PCDH11X: variants seen among roughly 807,000 people sequenced by gnomAD.
The protein encoded by PCDH11X is protocadherin 11 X-linked, also known as protocadherin-11 X-linked.
PCDH11X carries 18 observed loss-of-function variants against 53.3 expected under a neutral mutation model. That is an observed-to-expected ratio of 0.34 (90% confidence interval 0.23 to 0.50). The LOEUF (loss-of-function observed/expected upper bound fraction) is 0.50, where lower values mean the gene tolerates loss of function less well. Among genes scored for constraint, PCDH11X ranks in the 20% least tolerant of loss-of-function variants. PCDH11X has a pLI of 0.98. For synonymous variants in PCDH11X, 279 were observed against 393.3 expected (o/e 0.71, Z 3.44); for missense variants, 570 against 1,032.4 (o/e 0.55, Z 6.14).
chrX:92,269,081 A>G (rs1402795195), intron 8 of PCDH11X, among the ~76,000 whole-genome samples: 1 of 111,892 alleles, frequency 8.9e-6, no homozygotes. Context: ...TTTTAAGTTC[A>G]CCAGTTTATT....
At chrX:91,857,180 G>A (rs1602371742) in intron 5 of PCDH11X, among the ~76,000 whole-genome samples, 1 of 111,455 alleles carries the variant, frequency 9.0e-6, no homozygotes, top group Non-Finnish European at 1.9e-5. Context: ...GCTGGCAAGA[G>A]AGAGCGTGTG....
At chrX:92,502,833 T>A (rs1367715745) in intron 10 of PCDH11X, among the ~76,000 whole-genome samples, 1 of 111,182 alleles carries the variant, frequency 9.0e-6, no homozygotes, top group Admixed American at 9.6e-5. Context: ...TCAAAAGCAA[T>A]TGCAACAAAA....
chrX:91,795,842 C>T (rs762691843), intron 1 of PCDH11X, among the ~76,000 whole-genome samples: 1 of 111,372 alleles, frequency 9.0e-6, no homozygotes, highest in Non-Finnish European at 1.9e-5. Flanking sequence ...CTTAAGACCC[C>T]AAAATACATT....
At chrX:92,500,297 C>G (rs868453437) in intron 10 of PCDH11X, among the ~76,000 whole-genome samples, 1 of 111,512 alleles carries the variant, frequency 9.0e-6, no homozygotes, top group South Asian at 3.7e-4. Context: ...AAATATGACA[C>G]GAAACTATAA....
At chrX:91,977,901 G>A (rs2062067604) in intron 6 of PCDH11X, among the ~76,000 whole-genome samples, 1 of 111,376 alleles carries the variant, frequency 9.0e-6, no homozygotes, top group South Asian at 3.8e-4. Context: ...ACCTTCCTTA[G>A]ACAGTTGTAA....
At chrX:92,274,080 T>G in intron 8 of PCDH11X, among the ~76,000 whole-genome samples, 1 of 105,847 alleles carries the variant, frequency 9.4e-6, no homozygotes, top group East Asian at 3.1e-4. Flanking sequence ...GATGACAAGT[T>G]TTTTTGGGGC....
At chrX:92,446,217 G>A (rs190766612) in intron 9 of PCDH11X, among the ~76,000 whole-genome samples, 266 of 109,194 alleles carry the variant, frequency 2.4e-3, no homozygotes, top group Non-Finnish European at 3.7e-3. Flanking sequence ...TCTATATCAT[G>A]TGCAGCCTCT....
At chrX:92,442,200 C>T (rs940997951) in intron 9 of PCDH11X, among the ~76,000 whole-genome samples, 41 of 110,322 alleles carry the variant, frequency 3.7e-4, no homozygotes, top group African/African-American at 1.3e-3. Flanking sequence ...AAGGGACTTG[C>T]GTTTTCATGG....
chrX:92,119,023 G>A (rs753515893), intron 6 of PCDH11X, among the ~76,000 whole-genome samples: 1 of 110,357 alleles, frequency 9.1e-6, no homozygotes, highest in East Asian at 2.8e-4. Context: ...TTACAGGCGT[G>A]AGCCACTGCG....
chrX:92,548,632 C>T (rs1036688522), intron 10 of PCDH11X, among the ~76,000 whole-genome samples: 3 of 110,085 alleles, frequency 2.7e-5, no homozygotes, highest in Non-Finnish European at 5.7e-5. Flanking sequence ...TACTGCAATG[C>T]CAAGCTTTCC....
intron 7 of PCDH11X, among the ~76,000 whole-genome samples, chrX:92,254,138 T>A (rs1199254117): frequency 8.9e-6 from 1 of 112,499 alleles, no homozygotes; most frequent in African/African-American, 3.2e-5. Flanking sequence ...CATGCAATGA[T>A]GTTGAATTTT....
chrX:92,414,811 C>T (rs1292098903), intron 9 of PCDH11X, among the ~76,000 whole-genome samples: 1 of 111,576 alleles, frequency 9.0e-6, no homozygotes, highest in Non-Finnish European at 1.9e-5. Flanking sequence ...ACCAGTAACA[C>T]CTCATATCTT....
chrX:92,521,903 C>G (rs1367628468), intron 10 of PCDH11X, among the ~76,000 whole-genome samples: 1 of 110,227 alleles, frequency 9.1e-6, no homozygotes, highest in Non-Finnish European at 1.9e-5. Context: ...TCTGCAGCTT[C>G]CTTACCTCTC....
At chrX:92,210,230 C>CTTTTTT (rs146233770) in intron 7 of PCDH11X, among the ~76,000 whole-genome samples, 2 of 41,079 alleles carry the variant, frequency 4.9e-5, no homozygotes, top group African/African-American at 1.0e-4. Flanking sequence ...AGAAAATGGG[C>CTTTTTT]TTTTTTTTTT....
In PCDH11X at chrX:92,323,482, C is replaced by T. The variant is rs148131679; in HGVS notation, c.3144+60339C>T. 8.9e-3 allele frequency among the ~76,000 whole-genome samples: 976 copies of T among 110,031 alleles called. 15 individuals carry two copies. The highest frequency in any genetic ancestry group is 0.03 in the African/African-American group (910 of 30,289). On this transcript the variant is annotated intron_variant, in intron 8 of 10. Transcript: ENST00000682573. The stretch of plus-strand genomic sequence containing the variant: ...CTCTTCACTGGTGACTTGGTGAGCC[C>T]GTGTATAGGAGAGTGTTCTGCATTT...
At chrX:92,437,264 G>A (rs1191474081) in intron 9 of PCDH11X, among the ~76,000 whole-genome samples, 1 of 111,385 alleles carries the variant, frequency 9.0e-6, no homozygotes, top group East Asian at 2.8e-4. Context: ...CTCAAAATAG[G>A]AAGTCAGGAT....
At chrX:92,490,228 G>A (rs2073730233) in intron 10 of PCDH11X, among the ~76,000 whole-genome samples, 1 of 106,332 alleles carries the variant, frequency 9.4e-6, no homozygotes, top group Non-Finnish European at 1.9e-5. Context: ...GAACATCAGA[G>A]TCAAGTTAGT....
chrX:92,213,910 A>C (rs1296097932), intron 7 of PCDH11X, among the ~76,000 whole-genome samples: 1 of 112,087 alleles, frequency 8.9e-6, no homozygotes, highest in Non-Finnish European at 1.9e-5. Flanking sequence ...GAAGAAATCA[A>C]GGGTGAATAT....
intron 6 of PCDH11X, 142 bp downstream of exon 6, chrX:91,879,415 G>A (rs1939789805): frequency 9.3e-7 from 1 of 1,070,211 alleles, no homozygotes; most frequent in African/African-American, 1.9e-5. Context: ...TAGATATATG[G>A]ATTCAATTAA....
Sources: gnomAD v4.1 joint callset for allele counts (sites outside exome capture counted in the v4.1 genomes callset) on GRCh38, gnomAD v4.1.1 for gene constraint, MANE v1.5 for transcripts, NCBI Gene and HGNC (gene_info 2026-07-23, HGNC 2026-07-21) for gene names.